The following CELF4 variants were observed in gnomAD, a reference collection of about 807,000 sequenced individuals.
CELF4 encodes CUGBP Elav-like family member 4.
In CELF4, 18 loss-of-function variants were observed where a neutral mutation model predicts 59.9. That is an observed-to-expected ratio of 0.30 (90% CI 0.21 to 0.45). The LOEUF (loss-of-function observed/expected upper bound fraction) is 0.45. Among genes scored for constraint, CELF4 ranks in the 20% least tolerant of loss-of-function variants. The pLI, the probability that CELF4 is intolerant of heterozygous loss-of-function variation, is 1.00. For synonymous variants in CELF4, 261 were observed against 267.1 expected (o/e 0.98, Z 0.22); for missense variants, 456 against 689.0 (o/e 0.66, Z 3.79).
intron 2 of CELF4, among the ~76,000 whole-genome samples, chr18:37,390,359 G>A (rs991213747): frequency 1.3e-5 from 2 of 152,184 alleles, no homozygotes; most frequent in South Asian, 2.1e-4. Flanking sequence ...CTGTCACTTC[G>A]GCCATCTCTT....
intron 2 of CELF4, among the ~76,000 whole-genome samples, chr18:37,370,298 G>A (rs765900979): frequency 1.3e-5 from 2 of 152,130 alleles, no homozygotes; most frequent in African/African-American, 2.4e-5. Context: ...CCAGGCTTAC[G>A]TTACTCATAG....
chr18:37,321,843 C>A lies in CELF4; in HGVS notation c.408G>T (p.Glu136Asp). 6.2e-7 allele frequency: 1 copy of A among 1,613,526 alleles called. No homozygotes were observed. Among genetic ancestry groups the A allele is most frequent in the Non-Finnish European group, 8.5e-7 (1 of 1,179,714 alleles). The change falls in exon 3 of 13, where the codon GAG (glutamate) becomes GAT (aspartate). Residue 136 changes from glutamate (E) to aspartate (D), a missense_variant. Physicochemically the swap from Glu to Asp is conservative, Grantham distance 45. Coordinates refer to ENST00000420428, the MANE Select transcript of CELF4 (RefSeq NM_020180.4). ...RPIQVKPADS[E>D]SRGGSSCLRQ... ...GCAGGCAGCTACTACCTCCTCGGCT[C>A]TCGCTGTCCGCAGGCTTCACCTGGA... is the stretch of plus-strand genomic sequence containing the variant.
At chr18:37,308,559 G>T (rs2096532380) in intron 3 of CELF4, among the ~76,000 whole-genome samples, 1 of 152,184 alleles carries the variant, frequency 6.6e-6, no homozygotes, top group Non-Finnish European at 1.5e-5. Context: ...CTTCTCTAGG[G>T]CCCAGAGCAC....
chr18:37,461,897 C>T (rs551843037), intron 2 of CELF4, among the ~76,000 whole-genome samples: 3 of 152,126 alleles, frequency 2.0e-5, no homozygotes, highest in African/African-American at 4.8e-5. Context: ...TTAGAAGCTG[C>T]GTATGTCTGA....
At chr18:37,402,671 G>A (rs762978949) in intron 2 of CELF4, among the ~76,000 whole-genome samples, 3 of 152,210 alleles carry the variant, frequency 2.0e-5, no homozygotes, top group Non-Finnish European at 1.5e-5. Flanking sequence ...CAAAGAGTAA[G>A]TAAAAGTTCA....
Position 37,290,086 on chromosome 18 carries a change from A to C in CELF4, c.449-14843T>G, listed in dbSNP as rs547725212. Among the ~76,000 whole-genome samples the C allele has an allele frequency of 3.9e-5, 6 of 152,086 alleles. 1 individual carries two copies. The highest frequency in any genetic ancestry group is 2.9e-5 in the Non-Finnish European group (2 of 68,010). ...CTGGGAGAGGGCTTGATGCTGGGGA[A>C]TTAAGGGCAGCCTGGTGTCTGGGAG... On this transcript the variant is annotated intron_variant, in intron 3 of 12. Coordinates refer to ENST00000420428, the MANE Select transcript of CELF4 (RefSeq NM_020180.4).
chr18:37,277,013 A>G (rs1239472513), intron 3 of CELF4, among the ~76,000 whole-genome samples: 2 of 152,034 alleles, frequency 1.3e-5, no homozygotes, highest in East Asian at 1.9e-4. Flanking sequence ...ACCTTGCCCA[A>G]ATTGTCAGGA....
chr18:37,405,668 T>A (rs1373303751), intron 2 of CELF4, among the ~76,000 whole-genome samples: 1 of 152,244 alleles, frequency 6.6e-6, no homozygotes, highest in Non-Finnish European at 1.5e-5. Context: ...TCCCTAAGAT[T>A]GCTTTCAGTT....
At chr18:37,457,719 GCCTGTTCCAT>G (rs1569569484) in intron 2 of CELF4, among the ~76,000 whole-genome samples, 1 of 152,066 alleles carries the variant, frequency 6.6e-6, no homozygotes, top group Non-Finnish European at 1.5e-5. Flanking sequence ...GTGCCCACTG[GCCTGTTCCAT>G]CCTCTGAGCC....
chr18:37,554,553 C>G (rs1351081061), intron 1 of CELF4, among the ~76,000 whole-genome samples: 2 of 152,162 alleles, frequency 1.3e-5, no homozygotes, highest in African/African-American at 4.8e-5. Flanking sequence ...TTAGCAGCCC[C>G]TTTCTTATTC....
intron 2 of CELF4, among the ~76,000 whole-genome samples, chr18:37,354,050 T>A (rs1205039427): frequency 1.3e-5 from 2 of 152,082 alleles, no homozygotes; most frequent in African/African-American, 4.8e-5. Context: ...CCACTGCGCC[T>A]GGCCTGTGGG....
chr18:37,527,849 C>T (rs2099965609), intron 1 of CELF4, among the ~76,000 whole-genome samples: 2 of 152,222 alleles, frequency 1.3e-5, no homozygotes, highest in South Asian at 2.1e-4. Flanking sequence ...GGCCCACAGA[C>T]TAAGCTGCAC....
chr18:37,514,844 C>T (rs1424475336), intron 1 of CELF4, among the ~76,000 whole-genome samples: 6 of 151,580 alleles, frequency 4.0e-5, no homozygotes, highest in African/African-American at 1.5e-4. Flanking sequence ...CTTTTCAGTT[C>T]AACTTTAACT....
chr18:37,378,889 A>G (rs960068261), intron 2 of CELF4, among the ~76,000 whole-genome samples: 1 of 152,178 alleles, frequency 6.6e-6, no homozygotes, highest in Non-Finnish European at 1.5e-5. Context: ...GGCTCCAGCC[A>G]GCCAGCATCC....
chr18:37,333,657 G>A (rs2097647223), intron 2 of CELF4, among the ~76,000 whole-genome samples: 1 of 151,628 alleles, frequency 6.6e-6, no homozygotes. Context: ...CCTCCACCCT[G>A]CCCCAGCTCT....
At chr18:37,461,323 G>C (rs960159075) in intron 2 of CELF4, among the ~76,000 whole-genome samples, 1 of 152,162 alleles carries the variant, frequency 6.6e-6, no homozygotes, top group Non-Finnish European at 1.5e-5. Context: ...TAATTGACTG[G>C]CAGTTCAGCA....
At chr18:37,337,700 G>A (rs796515022) in intron 2 of CELF4, among the ~76,000 whole-genome samples, 7 of 152,292 alleles carry the variant, frequency 4.6e-5, no homozygotes, top group African/African-American at 1.4e-4. Context: ...CAGCACAAAT[G>A]GTTTGTCACA....
At chr18:37,530,436 T>C (rs1048953997) in intron 1 of CELF4, among the ~76,000 whole-genome samples, 21 of 152,138 alleles carry the variant, frequency 1.4e-4, no homozygotes, top group African/African-American at 4.6e-4. Flanking sequence ...AGAGCCAAAG[T>C]CTCTGTGGCC....
intron 1 of CELF4, among the ~76,000 whole-genome samples, chr18:37,555,711 C>A (rs987616954): frequency 1.3e-4 from 20 of 152,220 alleles, no homozygotes; most frequent in South Asian, 6.2e-4. Flanking sequence ...TCACTCTGGG[C>A]TGGCTGTCAC....
Sources: allele counts gnomAD v4.1 joint callset (sites outside exome capture counted in the v4.1 genomes callset), GRCh38; gene constraint gnomAD v4.1.1; transcripts MANE v1.5; gene names NCBI Gene and HGNC (gene_info 2026-07-23, HGNC 2026-07-21).